Variants in PLGRKT observed in about 807,000 individuals in gnomAD.
The protein encoded by PLGRKT is plasminogen receptor with a C-terminal lysine, also known as plasminogen receptor (KT).
Under a neutral mutation model 18.5 loss-of-function variants are expected in PLGRKT, and 22 were observed. The ratio of observed to expected loss-of-function variants is 1.19; its 90% CI spans 0.85 to 1.70. The LOEUF (loss-of-function observed/expected upper bound fraction) is 1.70. PLGRKT is among the 40% of genes most tolerant of loss of function. PLGRKT has a pLI of 0.00. For synonymous variants in PLGRKT, 72 were observed against 52.8 expected (o/e 1.36, Z -1.58); for missense variants, 235 against 174.4 (o/e 1.35, Z -1.96).
At chr9:5,359,307 C>T (rs1007451028) in intron 5 of PLGRKT, among the ~76,000 whole-genome samples, 2 of 152,104 alleles carry the variant, frequency 1.3e-5, no homozygotes, top group South Asian at 2.1e-4. Flanking sequence ...GCTTTGGCCT[C>T]CCAAAGTGCT....
intron 2 of PLGRKT, among the ~76,000 whole-genome samples, chr9:5,433,742 G>A (rs1244976522): frequency 7.1e-6 from 1 of 141,076 alleles, no homozygotes; most frequent in Non-Finnish European, 1.5e-5. Flanking sequence ...TGGGATGTGA[G>A]GAGCGCCTTT....
chr9:5,408,280 G>A (rs1324657611), intron 3 of PLGRKT, among the ~76,000 whole-genome samples: 2 of 152,196 alleles, frequency 1.3e-5, no homozygotes, highest in African/African-American at 2.4e-5. Flanking sequence ...TGCTGATAGT[G>A]ATATGGACAG....
At chr9:5,410,760 G>C (rs192760113) in intron 3 of PLGRKT, among the ~76,000 whole-genome samples, 8 of 152,190 alleles carry the variant, frequency 5.3e-5, no homozygotes, top group Admixed American at 4.6e-4. Flanking sequence ...TTCTAGTACA[G>C]GTTTATGGCC....
chr9:5,433,369 T>A (rs1393765218), intron 2 of PLGRKT, among the ~76,000 whole-genome samples: 1 of 147,742 alleles, frequency 6.8e-6, no homozygotes, highest in Admixed American at 6.8e-5. Flanking sequence ...GAGGAGCATC[T>A]CTGCCTGACC....
intron 3 of PLGRKT, among the ~76,000 whole-genome samples, chr9:5,409,528 A>T (rs1265388378): frequency 6.6e-6 from 1 of 152,030 alleles, no homozygotes; most frequent in Non-Finnish European, 1.5e-5. Context: ...ATACTTAATA[A>T]ACTCCCCTTT....
chr9:5,406,751 T>A (rs972354415), intron 3 of PLGRKT, among the ~76,000 whole-genome samples: 3 of 152,244 alleles, frequency 2.0e-5, no homozygotes, highest in African/African-American at 7.2e-5. Flanking sequence ...ACACATATAC[T>A]CTGGAACTAA....
At chr9:5,366,720 A>T (rs1388048443) in intron 3 of PLGRKT, among the ~76,000 whole-genome samples, 1 of 152,158 alleles carries the variant, frequency 6.6e-6, no homozygotes, top group Non-Finnish European at 1.5e-5. Flanking sequence ...CACCACTGCT[A>T]TTCAATGTAG....
At chr9:5,436,765 T>A (rs1197327318) in intron 1 of PLGRKT, 71 bp from the exon 2 acceptor site, 1 of 152,232 alleles carries the variant, frequency 6.6e-6, no homozygotes, top group Non-Finnish European at 1.5e-5. Context: ...CATTCTTTCC[T>A]TTCCCAACTT....
chr9:5,395,240 A>G (rs1818022811), intron 3 of PLGRKT, among the ~76,000 whole-genome samples: 2 of 152,110 alleles, frequency 1.3e-5, no homozygotes, highest in South Asian at 2.1e-4. Flanking sequence ...GCACAAATAC[A>G]TTAAGCTGAC....
At chr9:5,422,838 T>G (rs1023652318) in intron 3 of PLGRKT, among the ~76,000 whole-genome samples, 1 of 151,526 alleles carries the variant, frequency 6.6e-6, no homozygotes, top group African/African-American at 2.4e-5. Flanking sequence ...GGTTTTAAAG[T>G]TTTTTTTTAA....
chr9:5,390,233 G>GTA (rs1208472374), intron 3 of PLGRKT, among the ~76,000 whole-genome samples: 11 of 88,398 alleles, frequency 1.2e-4, no homozygotes, highest in African/African-American at 3.1e-4. Flanking sequence ...GTGTGTGTGT[G>GTA]TGTATGTGTA....
intron 3 of PLGRKT, among the ~76,000 whole-genome samples, chr9:5,381,525 TAC>T (rs1031363167): frequency 6.6e-6 from 1 of 152,256 alleles, no homozygotes. Context: ...TCAGAGGATG[TAC>T]AGACATGCCT....
At chr9:5,408,515 C>T (rs1422338092) in intron 3 of PLGRKT, among the ~76,000 whole-genome samples, 2 of 152,198 alleles carry the variant, frequency 1.3e-5, no homozygotes, top group Non-Finnish European at 2.9e-5. Flanking sequence ...AGCCTAGGCT[C>T]ATATGCACAA....
chr9:5,408,748 C>T lies in PLGRKT; in HGVS notation c.81+23149G>A, dbSNP rs181350779. 7.7e-4 allele frequency among the ~76,000 whole-genome samples: 118 copies of T among 152,368 alleles called. No individual in the cohort carries two copies. In the Middle Eastern group the frequency reaches 0.014, roughly 18 times the overall value. Reference sequence around the variant, plus strand: ...TCAGAGACCTTTGCAGCAGCCCCTCCCATCACAGGCCCAGAGGCCTAAGAG... The same window carrying T: ...TCAGAGACCTTTGCAGCAGCCCCTCTCATCACAGGCCCAGAGGCCTAAGAG... On this transcript the variant is annotated intron_variant, in intron 3 of 5. Transcript: ENST00000223864.
At chr9:5,429,585 T>C (rs956381757) in intron 3 of PLGRKT, among the ~76,000 whole-genome samples, 1 of 152,232 alleles carries the variant, frequency 6.6e-6, no homozygotes, top group Non-Finnish European at 1.5e-5. Flanking sequence ...GGTCCCGGTA[T>C]GCATAGTCCA....
intron 3 of PLGRKT, among the ~76,000 whole-genome samples, chr9:5,367,149 A>G (rs927404034): frequency 1.3e-5 from 2 of 152,018 alleles, no homozygotes; most frequent in Non-Finnish European, 2.9e-5. Flanking sequence ...AATCAATATC[A>G]TTAAAATGGC....
chr9:5,371,986 C>CTTTTTTTTTATTTTTTTTTTT (rs1817527516), intron 3 of PLGRKT, among the ~76,000 whole-genome samples: 1 of 89,152 alleles, frequency 1.1e-5, no homozygotes, highest in Admixed American at 1.4e-4. Flanking sequence ...TCAGAAAATC[C>CTTTTTTTTTATTTTTTTTTTT]TTTTTTTTTT....
Position 5,364,151 on chromosome 9 carries a change from C to A in PLGRKT, c.82-2263G>T, listed in dbSNP as rs1980669. Among the ~76,000 whole-genome samples, 1,454 of 152,280 alleles carry A rather than the reference C, an allele frequency of 9.5e-3. 32 individuals carry two copies. The highest frequency in any genetic ancestry group is 0.034 in the African/African-American group (1,400 of 41,552). On this transcript the variant is annotated intron_variant, in intron 3 of 5. Transcript: ENST00000223864. ...TTCAAAGGTCTAGTAACCAGATATA[C>A]CTCCCAGACCAACTAAACCAAGTGG...
chr9:5,377,949 C>T (rs1007863346), intron 3 of PLGRKT, among the ~76,000 whole-genome samples: 1 of 152,190 alleles, frequency 6.6e-6, no homozygotes, highest in African/African-American at 2.4e-5. Flanking sequence ...TGAAGTATGA[C>T]ACCATGCTTC....
Sources: gnomAD v4.1 joint callset for allele counts (sites outside exome capture counted in the v4.1 genomes callset) on GRCh38, gnomAD v4.1.1 for gene constraint, MANE v1.5 for transcripts, NCBI Gene and HGNC (gene_info 2026-07-23, HGNC 2026-07-21) for gene names.